The following CDH18 variants were observed in gnomAD, a reference collection of about 807,000 sequenced individuals.
CDH18 encodes the protein cadherin 18.
CDH18 carries 31 observed loss-of-function variants against 67.9 expected under a neutral mutation model. The ratio of observed to expected loss-of-function variants is 0.46; its 90% CI spans 0.34 to 0.62. CDH18 has a LOEUF of 0.62. CDH18 is among the 20% of genes least tolerant of loss of function. The probability of loss-of-function intolerance (pLI) is 0.01; values close to 1 mark genes in which losing one functional copy is unlikely to be tolerated. For synonymous variants in CDH18, 362 were observed against 347.2 expected, an observed-to-expected ratio of 1.04 and a Z score of -0.48; for missense variants, 890 against 975.5, an observed-to-expected ratio of 0.91 and a Z score of 1.17.
At chr5:20,091,308 G>C (rs1002819897) in intron 2 of CDH18, among the ~76,000 whole-genome samples, 1 of 151,536 alleles carries the variant, frequency 6.6e-6, no homozygotes, top group African/African-American at 2.4e-5. Context: ...ATCATAACAA[G>C]ACCTCATCTC....
chr5:19,761,883 C>T (rs1772406630), intron 3 of CDH18, among the ~76,000 whole-genome samples: 1 of 152,092 alleles, frequency 6.6e-6, no homozygotes, highest in Non-Finnish European at 1.5e-5. Flanking sequence ...GGTACTGGTA[C>T]CAAAACAGAG....
intron 8 of CDH18, among the ~76,000 whole-genome samples, chr5:19,554,635 T>C (rs1048584499): frequency 1.3e-5 from 2 of 152,172 alleles, no homozygotes; most frequent in South Asian, 2.1e-4. Flanking sequence ...AGTAGATCTA[T>C]AGAGTATCAC....
At chr5:20,407,442 A>G (rs1162792625) in intron 1 of CDH18, among the ~76,000 whole-genome samples, 1 of 151,586 alleles carries the variant, frequency 6.6e-6, no homozygotes, top group South Asian at 2.1e-4. Context: ...ATTGAAGTCA[A>G]TCCATGAAGA....
chr5:20,056,739 G>T (rs1432985663), intron 2 of CDH18, among the ~76,000 whole-genome samples: 3 of 139,704 alleles, frequency 2.1e-5, no homozygotes, highest in African/African-American at 8.0e-5. Flanking sequence ...GCTGGAGTGC[G>T]GTGGTGCGAT....
chr5:20,520,096 A>G (rs1245319758), intron 1 of CDH18, among the ~76,000 whole-genome samples: 1 of 150,864 alleles, frequency 6.6e-6, no homozygotes, highest in Admixed American at 6.7e-5. Context: ...CACCACGCCC[A>G]GCAGCAGATG....
intron 5 of CDH18, among the ~76,000 whole-genome samples, chr5:19,685,465 G>A (rs1760950311): frequency 6.6e-6 from 1 of 152,122 alleles, no homozygotes; most frequent in Non-Finnish European, 1.5e-5. Context: ...TGCGTTATTA[G>A]GAACAACTTC....
At chr5:19,758,933 C>T (rs188147095) in intron 3 of CDH18, among the ~76,000 whole-genome samples, 327 of 152,306 alleles carry the variant, frequency 2.1e-3, no homozygotes, top group Admixed American at 3.5e-3. Flanking sequence ...AAGCGAAAAG[C>T]GATCAAAGTC....
At chr5:19,506,789 A>G (rs1318140063) in intron 10 of CDH18, among the ~76,000 whole-genome samples, 2 of 152,214 alleles carry the variant, frequency 1.3e-5, no homozygotes, top group African/African-American at 4.8e-5. Flanking sequence ...TTGACCTAAA[A>G]CCATAAAAAC....
chr5:20,362,415 C>A (rs1742160103), intron 1 of CDH18, among the ~76,000 whole-genome samples: 1 of 152,106 alleles, frequency 6.6e-6, no homozygotes, highest in Admixed American at 6.6e-5. Context: ...TAATTAGTAT[C>A]CTCTGTACTC....
intron 2 of CDH18, among the ~76,000 whole-genome samples, chr5:20,205,200 T>C (rs553181812): frequency 6.6e-5 from 10 of 152,062 alleles, no homozygotes; most frequent in African/African-American, 1.9e-4. Context: ...CGATATTACA[T>C]GCAGCTGGAA....
At chr5:20,233,612 G>A (rs1580540241) in intron 2 of CDH18, among the ~76,000 whole-genome samples, 1 of 151,756 alleles carries the variant, frequency 6.6e-6, no homozygotes, top group East Asian at 1.9e-4. Context: ...ACACACGCAT[G>A]TATATACATA....
chr5:20,001,691 T>C (rs758668782), intron 2 of CDH18, among the ~76,000 whole-genome samples: 4 of 152,134 alleles, frequency 2.6e-5, no homozygotes, highest in Non-Finnish European at 5.9e-5. Context: ...GTCAATTGCA[T>C]GTAGTGTGCT....
chr5:19,696,653 C>A (rs1762581522), intron 5 of CDH18, among the ~76,000 whole-genome samples: 1 of 152,058 alleles, frequency 6.6e-6, no homozygotes, highest in African/African-American at 2.4e-5. Context: ...CTCGGCCTCC[C>A]AAAGTGCTGG....
In CDH18 at chr5:19,954,292, T is replaced by A. The variant is rs533556386; in HGVS notation, c.-257+26768A>T. On this transcript the variant is annotated intron_variant, in intron 2 of 12. Coordinates refer to ENST00000382275, the MANE Select transcript of CDH18 (RefSeq NM_004934.5). ...ACAGGTGAAAAGGCTAAAAACAGTA[T>A]CAAACTGTTTTTCTTTGGTTTAATT... Among the ~76,000 whole-genome samples the A allele has an allele frequency of 3.3e-5, 5 of 152,194 alleles. No homozygotes were observed. In the East Asian group the frequency reaches 7.7e-4, roughly 23 times the overall value.
In CDH18 at chr5:19,539,411, A is replaced by T. The variant is rs376984612; in HGVS notation, c.1390+4458T>A. 3.3e-5 allele frequency among the ~76,000 whole-genome samples: 5 copies of T among 152,204 alleles called. No homozygotes were observed. The South Asian group carries it at 8.3e-4, about 25-fold the overall frequency. ...GGAATTTATTTTGGTGATGACTGCA[A>T]ATAACATAATTTTCATGAATGCATG... On this transcript the variant is annotated intron_variant, in intron 9 of 12. Transcript: ENST00000382275.
intron 2 of CDH18, among the ~76,000 whole-genome samples, chr5:19,938,856 T>C (rs10075537): frequency 0.11 from 16,634 of 151,428 alleles, 2,626 homozygotes; most frequent in African/African-American, 0.35. Flanking sequence ...ATTTGGAGCA[T>C]TTCTTTGTTT....
chr5:19,496,182 G>C (rs1444484796), intron 11 of CDH18, among the ~76,000 whole-genome samples: 1 of 152,164 alleles, frequency 6.6e-6, no homozygotes, highest in Non-Finnish European at 1.5e-5. Flanking sequence ...TCTCAGTCTA[G>C]AGCCCTAGAG....
At chr5:19,784,678 A>G (rs1338684448) in intron 3 of CDH18, among the ~76,000 whole-genome samples, 1 of 152,156 alleles carries the variant, frequency 6.6e-6, no homozygotes, top group East Asian at 1.9e-4. Flanking sequence ...TTTATATTCC[A>G]CATTTAAAAC....
At chr5:19,762,196 T>A (rs1014976274) in intron 3 of CDH18, among the ~76,000 whole-genome samples, 1 of 152,050 alleles carries the variant, frequency 6.6e-6, no homozygotes, top group Non-Finnish European at 1.5e-5. Context: ...GGACTTCATG[T>A]CTAAAACACC....
Sources: gnomAD v4.1 joint callset for allele counts (sites outside exome capture counted in the v4.1 genomes callset) on GRCh38, gnomAD v4.1.1 for gene constraint, MANE v1.5 for transcripts, NCBI Gene and HGNC (gene_info 2026-07-23, HGNC 2026-07-21) for gene names.